SLC46A1: variants seen among roughly 807,000 people sequenced by gnomAD.
The protein encoded by SLC46A1 is proton-coupled folate transporter.
A neutral mutation model predicts 32.1 loss-of-function variants in SLC46A1; 17 were observed. The ratio of observed to expected loss-of-function variants is 0.53; its 90% confidence interval spans 0.36 to 0.79. The LOEUF (loss-of-function observed/expected upper bound fraction) is 0.79, where lower values mean the gene tolerates loss of function less well. Among genes scored for constraint, SLC46A1 ranks in the 30% least tolerant of loss-of-function variants. The pLI, the probability that SLC46A1 is intolerant of heterozygous loss-of-function variation, is 0.00. For synonymous variants in SLC46A1, 240 were observed against 262.7 expected (o/e 0.91, Z 0.84); for missense variants, 517 against 588.2 (o/e 0.88, Z 1.25).
chr17:28,400,441 G>T, intron 4 of SLC46A1, 169 bp downstream of exon 4: 1 of 801,992 alleles, frequency 1.2e-6, no homozygotes. Flanking sequence ...TTGGAAAATG[G>T]CTCCTGGAGG....
rs371818392 is a variant in SLC46A1, at chr17:28,396,018, C to G, written c.*3638G>C. 3 of 1,613,784 alleles carry G rather than the reference C, an allele frequency of 1.9e-6. No homozygotes were observed. The highest frequency in any genetic ancestry group is 2.5e-6 in the Non-Finnish European group (3 of 1,179,868). ...ACATGCAGGCTGTGCTTACTTTCAACGGTATCAAGTGAGCCCCAGGGCCCT... is the reference window on the plus strand; with the variant it reads ...ACATGCAGGCTGTGCTTACTTTCAAGGGTATCAAGTGAGCCCCAGGGCCCT... On this transcript the variant is annotated 3_prime_UTR_variant, in exon 5 of 5. Transcript: ENST00000612814.
chr17:28,399,605 G>T lies in SLC46A1; in HGVS notation c.*51C>A, dbSNP rs781826739. On this transcript the variant is annotated 3_prime_UTR_variant, in exon 5 of 5. Transcript: ENST00000612814. ...GGCTTCCAGCTGCAGACCTCCAGTT[G>T]CTTGGTGTTCACTTTGCTCCTCTTG... 6.3e-6 allele frequency: 10 copies of T among 1,594,268 alleles called. No individual in the cohort carries two copies. The highest frequency in any genetic ancestry group is 1.7e-4 in the Middle Eastern group (1 of 6,048).
intron 1 of SLC46A1, 61 bp downstream of exon 1, chr17:28,405,826 C>T (rs1567819562): frequency 6.7e-7 from 1 of 1,488,438 alleles, no homozygotes; most frequent in Non-Finnish European, 9.0e-7. Context: ...CCCGCCCCTC[C>T]GCTGCCCCCA....
intron 2 of SLC46A1, chr17:28,403,818 G>C (rs2068223676): frequency 6.6e-6 from 1 of 152,212 alleles, no homozygotes; most frequent in Admixed American, 6.5e-5. Context: ...TAGAGACCTG[G>C]ACTGGGCAAA....
Position 28,396,465 on chromosome 17 carries a change from TG to T in SLC46A1, c.*3190del. The stretch of plus-strand genomic sequence containing the variant: ...CCTCCAACCCACTTTCCTCAGTATC[TG>T]GAGAGGGAAGGGAAGTCAGGCTTGG... On this transcript the variant is annotated 3_prime_UTR_variant, in exon 5 of 5. Transcript: ENST00000612814. 1 of 708,118 alleles carries T rather than the reference TG, an allele frequency of 1.4e-6. No homozygotes were observed. Among genetic ancestry groups the T allele is most frequent in the Non-Finnish European group, 2.3e-6 (1 of 434,680 alleles). 43.9% of individuals were successfully genotyped at this position (708,118 alleles called of 1,614,324 possible).
At position 28,404,876 on chromosome 17, in the gene SLC46A1, A is replaced by T. The variant is rs1224823802; in HGVS notation, c.821T>A (p.Ile274Asn). Reference sequence around the variant, plus strand: ...AAAGTGCACAGTGATCACCACGAAGATGGCCAGTGAGTAGAGGGCTAAATG... The same window carrying T: ...AAAGTGCACAGTGATCACCACGAAGTTGGCCAGTGAGTAGAGGGCTAAATG... ...RKHLALYSLAIFVVITVHFGA... is the reference protein window; with the variant it reads ...RKHLALYSLANFVVITVHFGA... Residue 274 changes from isoleucine to asparagine, a missense_variant, in exon 2 of 5, where the codon ATC becomes AAC. Physicochemically the swap from Ile to Asn is moderately radical, Grantham distance 149. Coordinates refer to ENST00000612814, the MANE Select transcript of SLC46A1 (RefSeq NM_080669.6). 5 of 1,614,026 alleles carry T rather than the reference A, an allele frequency of 3.1e-6. No homozygotes were observed. The highest frequency in any genetic ancestry group is 4.2e-6 in the Non-Finnish European group (5 of 1,179,892).
Position 28,394,724 on chromosome 17 carries a change from GAGTGCAA to G in SLC46A1, c.*4925_*4931del, listed in dbSNP as rs1555587395. 3 of 152,176 alleles carry G rather than the reference GAGTGCAA, an allele frequency of 2.0e-5. No individual in the cohort carries two copies. The highest frequency in any genetic ancestry group is 7.2e-5 in the African/African-American group (3 of 41,442). The allele number at this position is 152,176 out of a possible 1,614,324, so 9.4% of individuals were successfully genotyped here. Reference sequence around the variant, plus strand: ...ATAAGACTAAGTATAGAGTTTCTTTGAGTGCAAAGTTTGAGAATAGCCACCCAGTAAG... The same window carrying G: ...ATAAGACTAAGTATAGAGTTTCTTTGAGTTTGAGAATAGCCACCCAGTAAG... On this transcript the variant is annotated 3_prime_UTR_variant, in exon 5 of 5. Coordinates refer to ENST00000612814, the MANE Select transcript of SLC46A1 (RefSeq NM_080669.6).
Position 28,406,047 on chromosome 17 carries a change from C to A in SLC46A1, c.68G>T (p.Gly23Val). The A allele has an allele frequency of 1.9e-6, 3 of 1,605,736 alleles. No homozygotes were observed. The highest frequency in any genetic ancestry group is 2.5e-6 in the Non-Finnish European group (3 of 1,177,424). ...ARPAAAVLCRGPVEPLVFLAN... is the reference protein window; with the variant it reads ...ARPAAAVLCRVPVEPLVFLAN... ...CAGGAAGACCAGCGGCTCTACCGGG[C>A]CCCGGCACAGCACGGCAGCCGCAGG... The change falls in exon 1 of 5, where the codon GGC becomes GTC. Residue 23 changes from glycine (G) to valine (V), a missense_variant. Gly to Val is a moderately radical substitution (Grantham distance 109, BLOSUM62 -3). Transcript: ENST00000612814. This position sits in a 1 kb window ranked among gnomAD's most constrained non-coding sequence, Gnocchi z 4.5.
Position 28,397,628 on chromosome 17 carries a change from G to A in SLC46A1, c.*2028C>T, listed in dbSNP as rs1162010704. ...ATTGCTTTCCTGAGAATCATTCTGA[G>A]GCTGGGCTATTGCTTCTCCCTTGCT... On this transcript the variant is annotated 3_prime_UTR_variant, in exon 5 of 5. Coordinates refer to ENST00000612814, the MANE Select transcript of SLC46A1 (RefSeq NM_080669.6). 2.0e-5 allele frequency: 3 copies of A among 152,236 alleles called. No homozygotes were observed. The highest frequency in any genetic ancestry group is 7.2e-5 in the African/African-American group (3 of 41,446). 9.4% of individuals were successfully genotyped at this position (152,236 alleles called of 1,614,324 possible).
rs1165430918 is a variant in SLC46A1 at position 28,400,591 on chromosome 17, G to T, written c.1322+19C>A. On this transcript the variant is annotated intron_variant, in intron 4 of 4. Transcript: ENST00000612814. ...AGAAAGGGCTCCATTATGAGCATGGGTTCAGGGCCCTGCATTACCCAATCA... is the reference window on the plus strand; with the variant it reads ...AGAAAGGGCTCCATTATGAGCATGGTTTCAGGGCCCTGCATTACCCAATCA... The T allele has an allele frequency of 6.2e-7, 1 of 1,613,396 alleles. No individual in the cohort carries two copies. The highest frequency in any genetic ancestry group is 8.5e-7 in the Non-Finnish European group (1 of 1,179,732).
chr17:28,395,419 C>T lies in SLC46A1; in HGVS notation c.*4237G>A, dbSNP rs2068107523. On this transcript the variant is annotated 3_prime_UTR_variant, in exon 5 of 5. Transcript: ENST00000612814. ...TTATCAACCTGGAGGCTCTTCAAAA[C>T]CCCTTGTTTGGGGGTTTTTATGGAG... 1.3e-5 allele frequency: 2 copies of T among 157,496 alleles called. No homozygotes were observed. The highest frequency in any genetic ancestry group is 2.8e-5 in the Non-Finnish European group (2 of 71,146). 9.8% of individuals were successfully genotyped at this position (157,496 alleles called of 1,614,324 possible). A position where few individuals can be genotyped will look rare whatever the true frequency, so the allele number is the denominator to read the frequency against.
In SLC46A1 at chr17:28,395,882, C is replaced by A. The variant is rs782470658; in HGVS notation, c.*3774G>T. ...CCCTAGATGGGTACAGGGGTATCTTCCTCCTTTCCTTTCTTTCTCCAGGAG... is the reference window on the plus strand; with the variant it reads ...CCCTAGATGGGTACAGGGGTATCTTACTCCTTTCCTTTCTTTCTCCAGGAG... On this transcript the variant is annotated 3_prime_UTR_variant, in exon 5 of 5. Coordinates refer to ENST00000612814, the MANE Select transcript of SLC46A1 (RefSeq NM_080669.6). 160 of 1,612,612 alleles carry A rather than the reference C, an allele frequency of 9.9e-5. 1 individual carries two copies. The Admixed American group carries it at 2.6e-3, about 27-fold the overall frequency.
rs2068255566 is a variant in SLC46A1, at chr17:28,405,881, C to G, written c.228+6G>C. 2 of 1,569,386 alleles carry G rather than the reference C, an allele frequency of 1.3e-6. No individual in the cohort carries two copies. Among genetic ancestry groups the G allele is most frequent in the Non-Finnish European group, 1.7e-6 (2 of 1,158,226 alleles). On this transcript the variant is annotated splice_donor_region_variant and intron_variant, in intron 1 of 4. Coordinates refer to ENST00000612814, the MANE Select transcript of SLC46A1 (RefSeq NM_080669.6). ...CCACCTGCCAGGCTCCTCGCCGCCC[C>G]GCTACCTGCATGGTGGGGTCCGCGC... is the stretch of plus-strand genomic sequence containing the variant.
Position 28,396,575 on chromosome 17 carries a change from A to C in SLC46A1, c.*3081T>G. 2.3e-6 allele frequency: 1 copy of C among 425,718 alleles called. No homozygotes were observed. Among genetic ancestry groups the C allele is most frequent in the Non-Finnish European group, 4.3e-6 (1 of 234,252 alleles). 26.4% of individuals were successfully genotyped at this position (425,718 alleles called of 1,614,324 possible). A position where few individuals can be genotyped will look rare whatever the true frequency, so the allele number is the denominator to read the frequency against. On this transcript the variant is annotated 3_prime_UTR_variant, in exon 5 of 5. Coordinates refer to ENST00000612814, the MANE Select transcript of SLC46A1 (RefSeq NM_080669.6). Reference sequence around the variant, plus strand: ...GGAGGGTCCCTGCTCAGTTCTGGAGACACTGGAGTTGGGGTGGGGGTGGTT... The same window carrying C: ...GGAGGGTCCCTGCTCAGTTCTGGAGCCACTGGAGTTGGGGTGGGGGTGGTT...
chr17:28,402,339 C>A lies in SLC46A1; in HGVS notation c.1082-18G>T. 6.2e-7 allele frequency: 1 copy of A among 1,608,802 alleles called. No individual in the cohort carries two copies. Among genetic ancestry groups the A allele is most frequent in the Non-Finnish European group, 8.5e-7 (1 of 1,176,848 alleles). On this transcript the variant is annotated intron_variant, in intron 2 of 4. Coordinates refer to ENST00000612814, the MANE Select transcript of SLC46A1 (RefSeq NM_080669.6). ...CCCATATCCTGTGGAGAAACAAACA[C>A]TCATCAGGAAAATGGGGCTGGGGAG... is the stretch of plus-strand genomic sequence containing the variant.
Position 28,406,152 on chromosome 17 carries a change from G to C in SLC46A1, c.-38C>G. ...CGGAGCTGTCGCCAGGCGGGCGGCGGGGCGCGCGAGCGACTCGCTGCCTGG... is the reference window on the plus strand; with the variant it reads ...CGGAGCTGTCGCCAGGCGGGCGGCGCGGCGCGCGAGCGACTCGCTGCCTGG... On this transcript the variant is annotated 5_prime_UTR_variant, in exon 1 of 5. Coordinates refer to ENST00000612814, the MANE Select transcript of SLC46A1 (RefSeq NM_080669.6). This position sits in a 1 kb window ranked among gnomAD's most constrained non-coding sequence, Gnocchi z 4.5. The C allele has an allele frequency of 7.5e-7, 1 of 1,329,136 alleles. No homozygotes were observed. The highest frequency in any genetic ancestry group is 9.6e-7 in the Non-Finnish European group (1 of 1,039,968). 82.3% of individuals were successfully genotyped at this position (1,329,136 alleles called of 1,614,324 possible).
chr17:28,402,006 A>G, intron 3 of SLC46A1: 2 of 458,168 alleles, frequency 4.4e-6, no homozygotes, highest in South Asian at 3.5e-5. Context: ...TAGAAAGAAC[A>G]TAATTGTGCT....
chr17:28,405,619 G>A (rs1270446736), intron 1 of SLC46A1, 151 bp from the exon 2 acceptor site: 9 of 1,238,674 alleles, frequency 7.3e-6, no homozygotes, highest in Non-Finnish European at 1.0e-5. Flanking sequence ...TCTGCCAGTG[G>A]AGAGGGGGAA....
Position 28,405,867 on chromosome 17 carries a change from G to C in SLC46A1, c.228+20C>G. On this transcript the variant is annotated intron_variant, in intron 1 of 4. Coordinates refer to ENST00000612814, the MANE Select transcript of SLC46A1 (RefSeq NM_080669.6). ...CAGACCAGGGCCCTCCACCTGCCAG[G>C]CTCCTCGCCGCCCCGCTACCTGCAT... The C allele has an allele frequency of 6.5e-7, 1 of 1,546,560 alleles. No homozygotes were observed. The highest frequency in any genetic ancestry group is 8.7e-7 in the Non-Finnish European group (1 of 1,145,232).
Sources: gnomAD v4.1 joint callset for allele counts on GRCh38, gnomAD v4.1.1 for gene constraint, Gnocchi (gnomAD v3.1) non-coding constraint, MANE v1.5 for transcripts, NCBI Gene and HGNC (gene_info 2026-07-23, HGNC 2026-07-21) for gene names.